Variants in STK3 observed in about 807,000 individuals in gnomAD.
STK3 encodes the protein serine/threonine kinase 3, also known as serine/threonine-protein kinase 3.
STK3 carries 41 observed loss-of-function variants against 58.0 expected under a neutral mutation model. That is an observed-to-expected ratio of 0.71 (90% CI 0.55 to 0.92). The LOEUF (loss-of-function observed/expected upper bound fraction) is 0.92, where lower values mean the gene tolerates loss of function less well. STK3 is among the 40% of genes least tolerant of loss of function. STK3 has a pLI of 0.00. For missense variants in STK3, 479 were observed against 602.7 expected (o/e 0.79, Z 2.15); for synonymous variants, 170 against 191.0 (o/e 0.89, Z 0.91).
intron 2 of STK3, among the ~76,000 whole-genome samples, chr8:98,372,654 C>T (rs77621537): frequency 6.6e-6 from 1 of 152,250 alleles, no homozygotes; most frequent in East Asian, 1.9e-4. Flanking sequence ...TATTTATCCA[C>T]TTCCACATTG....
chr8:98,816,188 CT>C (rs1834529795), intron 1 of STK3, among the ~76,000 whole-genome samples: 1 of 152,172 alleles, frequency 6.6e-6, no homozygotes, highest in Non-Finnish European at 1.5e-5. Flanking sequence ...GGATGGAGGA[CT>C]AAACTAAAGA....
intron 1 of STK3, among the ~76,000 whole-genome samples, chr8:98,942,145 G>A (rs1037139156): frequency 7.9e-5 from 12 of 152,242 alleles, no homozygotes; most frequent in Non-Finnish European, 1.3e-4. Flanking sequence ...GACGCCGGCC[G>A]GGACGAGGGG....
At chr8:98,940,777 G>A (rs1840389543) in intron 1 of STK3, among the ~76,000 whole-genome samples, 1 of 152,244 alleles carries the variant, frequency 6.6e-6, no homozygotes, top group East Asian at 1.9e-4. Context: ...TCCTCCTCTG[G>A]GGAAGTCAGG....
At chr8:98,625,213 G>A (rs2130439305) in intron 6 of STK3, among the ~76,000 whole-genome samples, 1 of 152,180 alleles carries the variant, frequency 6.6e-6, no homozygotes, top group East Asian at 1.9e-4. Flanking sequence ...GAGCCTTACT[G>A]CTATTTGAGG....
chr8:98,846,786 A>C (rs1295297345), intron 3 of STK3, among the ~76,000 whole-genome samples: 1 of 152,078 alleles, frequency 6.6e-6, no homozygotes, highest in African/African-American at 2.4e-5. Context: ...GACTGTTCCC[A>C]AACACAAAAG....
chr8:98,566,912 A>C (rs1004659266), intron 8 of STK3, among the ~76,000 whole-genome samples: 3 of 152,238 alleles, frequency 2.0e-5, no homozygotes, highest in African/African-American at 7.2e-5. Flanking sequence ...TCCTAAAAGA[A>C]AGTCAGTTCC....
At chr8:98,372,190 G>C (rs1252117679) in intron 2 of STK3, among the ~76,000 whole-genome samples, 1 of 152,226 alleles carries the variant, frequency 6.6e-6, no homozygotes, top group East Asian at 1.9e-4. Flanking sequence ...CTGGGTCTTA[G>C]AGGGAACATG....
chr8:98,484,550 T>C (rs911625278), intron 10 of STK3, among the ~76,000 whole-genome samples: 2 of 152,126 alleles, frequency 1.3e-5, no homozygotes, highest in South Asian at 4.1e-4. Context: ...TTTATGGACT[T>C]TTTACATCAA....
Position 98,805,955 on chromosome 8 carries a change from A to C in STK3, c.26+19560T>G, listed in dbSNP as rs76666037. On this transcript the variant is annotated intron_variant, in intron 1 of 10. Transcript: ENST00000419617. ...TACCACTGTCCCCACCCATCCACAC[A>C]AGCACACACACATACACAAAGAACT... 1.7e-3 allele frequency among the ~76,000 whole-genome samples: 256 copies of C among 152,266 alleles called. 7 individuals are homozygous for C. The East Asian group carries it at 0.045, about 27-fold the overall frequency.
intron 10 of STK3, among the ~76,000 whole-genome samples, chr8:98,468,146 C>T (rs552450395): frequency 3.3e-5 from 5 of 152,266 alleles, no homozygotes; most frequent in Middle Eastern, 3.4e-3. Flanking sequence ...GAATAAGAAT[C>T]GTGGTCTGTT....
At chr8:98,448,049 C>T (rs941463265) in intron 1 of STK3, among the ~76,000 whole-genome samples, 1 of 150,534 alleles carries the variant, frequency 6.6e-6, no homozygotes, top group African/African-American at 2.4e-5. Flanking sequence ...TTTTTGACTG[C>T]CTGACACATT....
chr8:98,931,455 C>T (rs971173485), intron 1 of STK3, among the ~76,000 whole-genome samples: 2 of 152,144 alleles, frequency 1.3e-5, no homozygotes, highest in East Asian at 1.9e-4. Context: ...ACCCGGCCTG[C>T]GCCAGCCTGA....
chr8:98,724,933 T>C (rs563682857), intron 4 of STK3, among the ~76,000 whole-genome samples: 4 of 152,310 alleles, frequency 2.6e-5, no homozygotes, highest in South Asian at 4.1e-4. Context: ...ATTGCTTAGT[T>C]AGCATCCTCT....
chr8:98,527,023 G>A, intron 9 of STK3, 106 bp from the exon 10 acceptor site: 1 of 886,000 alleles, frequency 1.1e-6, no homozygotes, highest in Non-Finnish European at 1.6e-6. Context: ...ATTTGCACTG[G>A]TCAGATTCAA....
chr8:98,488,019 C>G (rs1421937721), intron 10 of STK3, among the ~76,000 whole-genome samples: 1 of 152,204 alleles, frequency 6.6e-6, no homozygotes, highest in Non-Finnish European at 1.5e-5. Context: ...TGTCAGAACA[C>G]TAGAGTTTCT....
chr8:98,592,159 G>C (rs1452336128), intron 7 of STK3, among the ~76,000 whole-genome samples: 2 of 152,118 alleles, frequency 1.3e-5, no homozygotes, highest in East Asian at 3.9e-4. Flanking sequence ...TAAGTAAGGT[G>C]GCTCTCAGAC....
At chr8:98,941,662 G>A (rs925056822) in intron 1 of STK3, among the ~76,000 whole-genome samples, 2 of 152,244 alleles carry the variant, frequency 1.3e-5, no homozygotes, top group Non-Finnish European at 2.9e-5. Context: ...AGCCTCCTGG[G>A]TGGGCCGGGG....
intron 1 of STK3, among the ~76,000 whole-genome samples, chr8:98,788,330 CA>C (rs1428326632): frequency 1.3e-5 from 2 of 151,884 alleles, no homozygotes; most frequent in Non-Finnish European, 2.9e-5. Flanking sequence ...CCCAGCTACT[CA>C]GGAGGCTGAG....
chr8:98,888,122 C>T (rs529801733), intron 1 of STK3, among the ~76,000 whole-genome samples: 3 of 152,238 alleles, frequency 2.0e-5, no homozygotes, highest in Non-Finnish European at 4.4e-5. Context: ...AGATCGAGAA[C>T]AGCCTGGCCA....
Sources: allele counts gnomAD v4.1 joint callset (sites outside exome capture counted in the v4.1 genomes callset), GRCh38; gene constraint gnomAD v4.1.1; transcripts MANE v1.5; gene names NCBI Gene and HGNC (gene_info 2026-07-23, HGNC 2026-07-21).